The following TIMP3 variants were observed in gnomAD, a reference collection of about 807,000 sequenced individuals.
TIMP3 encodes the protein TIMP metallopeptidase inhibitor 3.
In TIMP3, 11 loss-of-function variants were observed where a neutral mutation model predicts 30.0. That is an observed-to-expected ratio of 0.37 (90% CI 0.23 to 0.61). The LOEUF is 0.61. Ranked by LOEUF, TIMP3 falls within the 20% of genes least tolerant of loss-of-function variation. The pLI, the probability that TIMP3 is intolerant of heterozygous loss-of-function variation, is 0.70. For synonymous variants in TIMP3, 112 were observed against 111.3 expected (o/e 1.01, Z -0.04); for missense variants, 181 against 276.8 (o/e 0.65, Z 2.45).
At chr22:32,819,698 G>C (rs2047182600) in intron 1 of TIMP3, among the ~76,000 whole-genome samples, 1 of 152,158 alleles carries the variant, frequency 6.6e-6, no homozygotes, top group Non-Finnish European at 1.5e-5. Context: ...GCACACTCTA[G>C]GGGCCGCGTC....
chr22:32,807,072 C>T (rs1029002374), intron 1 of TIMP3, among the ~76,000 whole-genome samples: 3 of 151,110 alleles, frequency 2.0e-5, no homozygotes, highest in African/African-American at 7.3e-5. Flanking sequence ...GTCAGAGGAG[C>T]ACCTTCTCCA....
At chr22:32,849,417 T>G (rs147949965) in intron 1 of TIMP3, 35 bp from the exon 2 acceptor site, 5 of 1,602,394 alleles carry the variant, frequency 3.1e-6, no homozygotes, top group Non-Finnish European at 4.3e-6. Flanking sequence ...GTTCAGGCCT[T>G]CCTAACCTCT....
intron 1 of TIMP3, among the ~76,000 whole-genome samples, chr22:32,807,377 TAA>T (rs1569239784): frequency 1.8e-5 from 2 of 108,718 alleles, no homozygotes; most frequent in South Asian, 2.7e-4. Flanking sequence ...ATATTATATA[TAA>T]TATATATTAT....
intron 1 of TIMP3, among the ~76,000 whole-genome samples, chr22:32,827,741 C>A (rs375553313): frequency 6.6e-6 from 1 of 152,220 alleles, no homozygotes; most frequent in East Asian, 1.9e-4. Context: ...GAAGTTTCTA[C>A]GGGATCTGGC....
intron 1 of TIMP3, among the ~76,000 whole-genome samples, chr22:32,842,877 T>C (rs969567571): frequency 5.3e-5 from 8 of 152,146 alleles, no homozygotes; most frequent in African/African-American, 1.7e-4. Flanking sequence ...GTGTAAGTGA[T>C]TGGGAAGGGT....
intron 1 of TIMP3, among the ~76,000 whole-genome samples, chr22:32,825,747 C>T (rs1309618021): frequency 1.5e-5 from 2 of 129,974 alleles, no homozygotes; most frequent in Admixed American, 8.5e-5. Context: ...TTTATTTGTA[C>T]ATATGTGCAT....
At chr22:32,830,794 G>C (rs1214707346) in intron 1 of TIMP3, among the ~76,000 whole-genome samples, 1 of 152,154 alleles carries the variant, frequency 6.6e-6, no homozygotes, top group Non-Finnish European at 1.5e-5. Flanking sequence ...ACGCTTCTCT[G>C]TGGCCCCTGG....
At chr22:32,822,874 G>C (rs1184154344) in intron 1 of TIMP3, among the ~76,000 whole-genome samples, 1 of 151,826 alleles carries the variant, frequency 6.6e-6, no homozygotes, top group African/African-American at 2.4e-5. Context: ...TAGCCCTATG[G>C]TGCACTTTTG....
At chr22:32,823,212 C>T (rs545607259) in intron 1 of TIMP3, among the ~76,000 whole-genome samples, 1 of 152,296 alleles carries the variant, frequency 6.6e-6, no homozygotes, top group East Asian at 1.9e-4. Flanking sequence ...CTTTCCTAGG[C>T]GCCACCTTCT....
chr22:32,807,347 A>AT (rs1491577264), intron 1 of TIMP3, among the ~76,000 whole-genome samples: 16,017 of 33,434 alleles, frequency 0.48, 1,384 homozygotes, highest in Middle Eastern at 0.56. Context: ...TATAATATAT[A>AT]AATATATAAT....
At chr22:32,819,815 T>C (rs2047185684) in intron 1 of TIMP3, among the ~76,000 whole-genome samples, 1 of 152,228 alleles carries the variant, frequency 6.6e-6, no homozygotes, top group Non-Finnish European at 1.5e-5. Flanking sequence ...GCTATCTTGC[T>C]ATCTGTCCAT....
At chr22:32,826,013 T>C (rs1464628292) in intron 1 of TIMP3, among the ~76,000 whole-genome samples, 1 of 152,256 alleles carries the variant, frequency 6.6e-6, no homozygotes, top group Non-Finnish European at 1.5e-5. Flanking sequence ...ATATAAAGCA[T>C]AGTTATAACT....
chr22:32,858,239 G>A, intron 4 of TIMP3, 101 bp downstream of exon 4: 1 of 1,538,108 alleles, frequency 6.5e-7, no homozygotes, highest in Non-Finnish European at 8.9e-7. Flanking sequence ...CGGCTGGGAA[G>A]GGTATGCATG....
At chr22:32,814,137 T>A (rs57193730) in intron 1 of TIMP3, among the ~76,000 whole-genome samples, 1,362 of 79,968 alleles carry the variant, frequency 0.017, 14 homozygotes, top group African/African-American at 0.048. Context: ...TGTGTGTGTG[T>A]GTGTGAGAGA....
chr22:32,806,839 A>G (rs1909452689), intron 1 of TIMP3, among the ~76,000 whole-genome samples: 1 of 152,018 alleles, frequency 6.6e-6, no homozygotes, highest in East Asian at 1.9e-4. Context: ...ATCCTTTCTG[A>G]TTACTTTTTC....
At chr22:32,803,244 G>A (rs530784701) in intron 1 of TIMP3, among the ~76,000 whole-genome samples, 77 of 152,170 alleles carry the variant, frequency 5.1e-4, no homozygotes, top group African/African-American at 1.8e-3. Context: ...AGAATGGAGC[G>A]TGTGTGTTTT....
intron 1 of TIMP3, chr22:32,833,922 T>C (rs928653079): frequency 3.0e-5 from 15 of 494,790 alleles, no homozygotes; most frequent in African/African-American, 2.8e-4. Context: ...AGTATTGTAA[T>C]CATTGACAAT....
intron 1 of TIMP3, among the ~76,000 whole-genome samples, chr22:32,831,752 T>G (rs1384111214): frequency 2.0e-5 from 3 of 152,162 alleles, no homozygotes; most frequent in African/African-American, 7.2e-5. Context: ...GCTCCCCTAA[T>G]GCACTTTAAG....
chr22:32,837,157 C>A lies in TIMP3; in HGVS notation c.122-12295C>A, dbSNP rs988156627. On this transcript the variant is annotated intron_variant, in intron 1 of 4. Transcript: ENST00000266085. This position sits in a 1 kb window ranked among gnomAD's most constrained non-coding sequence, Gnocchi z 4.1. The stretch of plus-strand genomic sequence containing the variant: ...TGTTTGGGCTTCAAAAATGCCCCGA[C>A]CTGAAAGCTGGAAGTTCTGAGAACC... Among the ~76,000 whole-genome samples the A allele has an allele frequency of 2.0e-5, 3 of 152,176 alleles. No individual in the cohort carries two copies. The highest frequency in any genetic ancestry group is 7.2e-5 in the African/African-American group (3 of 41,440).
Sources: allele counts gnomAD v4.1 joint callset (sites outside exome capture counted in the v4.1 genomes callset), GRCh38; gene constraint gnomAD v4.1.1; non-coding constraint Gnocchi (gnomAD v3.1); transcripts MANE v1.5; gene names NCBI Gene and HGNC (gene_info 2026-07-23, HGNC 2026-07-21).